Variants in NIPSNAP1 observed in about 807,000 individuals in gnomAD.
NIPSNAP1 encodes the protein nipsnap homolog 1.
In NIPSNAP1, 25 loss-of-function variants were observed where a neutral mutation model predicts 49.2. The ratio of observed to expected loss-of-function variants is 0.51; its 90% confidence interval spans 0.37 to 0.71. The LOEUF is 0.71. Among genes scored for constraint, NIPSNAP1 ranks in the 30% least tolerant of loss-of-function variants. NIPSNAP1 has a pLI of 0.00. For missense variants in NIPSNAP1, 294 were observed against 361.0 expected (o/e 0.81, Z 1.50); for synonymous variants, 143 against 140.7 (o/e 1.02, Z -0.12).
rs917812743 is a variant in NIPSNAP1 at position 29,558,928 on chromosome 22, C to T, written c.732G>A (p.Glu244=). 31 of 1,613,554 alleles carry T rather than the reference C, an allele frequency of 1.9e-5. No individual in the cohort carries two copies. The highest frequency in any genetic ancestry group is 2.6e-5 in the Non-Finnish European group (31 of 1,179,742). ...TCCTCCAGGCAGCGTTTCGAGTCTC[C>T]TCCCGAGACTGCAGGTCTTTATAGG... ...LWAYKDLQSR[E]ETRNAAWRKR... Residue 244 remains glutamate, a synonymous_variant, in exon 9 of 10, where the codon GAG becomes GAA. Transcript: ENST00000216121.
intron 1 of NIPSNAP1, among the ~76,000 whole-genome samples, chr22:29,574,779 CAAA>C (rs56971788): frequency 1.4e-4 from 14 of 102,710 alleles, no homozygotes; most frequent in East Asian, 2.5e-4. Context: ...AACTCTGTCT[CAAA>C]AAAAAAAAAA....
rs144303005 is a variant in NIPSNAP1 at position 29,563,068 on chromosome 22, C to T, written c.368-1206G>A. Among the ~76,000 whole-genome samples the T allele has an allele frequency of 3.3e-3, 505 of 151,396 alleles. 4 individuals carry two copies. Among genetic ancestry groups the T allele is most frequent in the African/African-American group, 0.011 (446 of 41,246 alleles). On this transcript the variant is annotated intron_variant, in intron 4 of 9. Transcript: ENST00000216121. ...GAGCCGAGATCATGCCACTGCACTC[C>T]AGCCTGGACAACAGAGCGAGACTCC...
chr22:29,567,731 C>T (rs1300204843), intron 4 of NIPSNAP1, among the ~76,000 whole-genome samples: 1 of 152,070 alleles, frequency 6.6e-6, no homozygotes, highest in African/African-American at 2.4e-5. Context: ...TGGCATGCAC[C>T]TGTGGTCCCA....
chr22:29,569,937 C>T (rs1306180266), intron 3 of NIPSNAP1: 7 of 538,416 alleles, frequency 1.3e-5, no homozygotes, highest in South Asian at 4.1e-5. Context: ...TGCAGTGAGC[C>T]GAGATCGCGC....
chr22:29,567,088 C>G (rs2064373055), intron 4 of NIPSNAP1, among the ~76,000 whole-genome samples: 1 of 152,092 alleles, frequency 6.6e-6, no homozygotes. Flanking sequence ...CACCACTGTA[C>G]CCCAGCCTGG....
At chr22:29,558,530 T>G (rs1010456025) in intron 9 of NIPSNAP1, among the ~76,000 whole-genome samples, 1 of 152,136 alleles carries the variant, frequency 6.6e-6, no homozygotes, top group Non-Finnish European at 1.5e-5. Context: ...TCTTCCGTTA[T>G]AGCCCTCTGA....
rs2064434492 is a variant in NIPSNAP1, at chr22:29,574,289, A to AAAAAGAAAGAAAAAG, written c.99-3758_99-3757insCTTTTTCTTTCTTTT. ...AAAAAAAAAAAAAAAAAAAAAAAAA[A>AAAAAGAAAGAAAAAG]AAAGAAAGAAAAAGAAAAGAAAATA... On this transcript the variant is annotated intron_variant, in intron 1 of 9. Transcript: ENST00000216121. 3.5e-4 allele frequency among the ~76,000 whole-genome samples: 44 copies of AAAAAGAAAGAAAAAG among 125,270 alleles called. 1 individual carries two copies. Among genetic ancestry groups the AAAAAGAAAGAAAAAG allele is most frequent in the African/African-American group, 1.4e-3 (43 of 30,516 alleles). The allele number at this position is 125,270 out of a possible 152,430, so 82.2% of individuals were successfully genotyped here. A position where few individuals can be genotyped will look rare whatever the true frequency, so the allele number is the denominator to read the frequency against.
At chr22:29,577,744 T>C (rs984608052) in intron 1 of NIPSNAP1, among the ~76,000 whole-genome samples, 3 of 148,588 alleles carry the variant, frequency 2.0e-5, no homozygotes, top group African/African-American at 7.6e-5. Context: ...TTTTGTTTTG[T>C]TTTTTTGATA....
intron 1 of NIPSNAP1, among the ~76,000 whole-genome samples, chr22:29,573,813 C>T (rs1385001553): frequency 1.3e-5 from 2 of 149,728 alleles, no homozygotes; most frequent in Non-Finnish European, 3.0e-5. Context: ...GTCAAGTGCG[C>T]CTGTAGTCCC....
intron 3 of NIPSNAP1, 35 bp from the exon 4 acceptor site, chr22:29,569,322 A>G (rs749763272): frequency 6.5e-7 from 1 of 1,528,652 alleles, no homozygotes; most frequent in Non-Finnish European, 9.1e-7. Flanking sequence ...CAGGGTTCAC[A>G]TAGCCACCAG....
At position 29,561,589 on chromosome 22, in the gene NIPSNAP1, G is replaced by T. The variant is rs759749208; in HGVS notation, c.496C>A (p.Leu166Met). 1 of 1,614,104 alleles carries T rather than the reference G, an allele frequency of 6.2e-7. No individual in the cohort carries two copies. ...TTCCAGAAGCTGAACTCGAGGAGCA[G>T]CTGGTTTCTCCTGGACAGCAGCATC... ...SQMLLSRRNQ[L>M]LLEFSFWNEP... Residue 166 changes from leucine (L) to methionine (M), a missense_variant, in exon 6 of 10, where the codon CTG becomes ATG. By Grantham distance (15) the Leu-to-Met change is conservative. This residue lies in a region of NIPSNAP1 where 146 missense variants were observed against 219.9 expected (regional missense o/e 0.66). Transcript: ENST00000216121.
At chr22:29,568,915 G>A (rs938934152) in intron 4 of NIPSNAP1, among the ~76,000 whole-genome samples, 3 of 152,232 alleles carry the variant, frequency 2.0e-5, no homozygotes, top group Non-Finnish European at 4.4e-5. Context: ...GTCAATCTGA[G>A]GAACTGAGTC....
intron 4 of NIPSNAP1, among the ~76,000 whole-genome samples, chr22:29,563,803 C>CAGAGATTAGAATGACAAGTCTACAAGCCA (rs1298004298): frequency 3.9e-5 from 6 of 152,024 alleles, no homozygotes; most frequent in African/African-American, 1.4e-4. Flanking sequence ...ACGAGGGAGG[C>CAGAGATTAGAATGACAAGTCTACAAGCCA]AGAGATTAGA....
At chr22:29,566,855 G>A (rs1247387174) in intron 4 of NIPSNAP1, among the ~76,000 whole-genome samples, 1 of 152,040 alleles carries the variant, frequency 6.6e-6, no homozygotes, top group Non-Finnish European at 1.5e-5. Flanking sequence ...CAGGCGCAGT[G>A]GCTGATGCCT....
chr22:29,564,222 C>T, intron 4 of NIPSNAP1: 1 of 423,926 alleles, frequency 2.4e-6, no homozygotes, highest in African/African-American at 2.1e-5. Flanking sequence ...ATCCCCATCC[C>T]CAGCCTGACC....
chr22:29,579,585 G>A lies in NIPSNAP1; in HGVS notation c.98+1400C>T, dbSNP rs563283018. Among the ~76,000 whole-genome samples the A allele has an allele frequency of 1.7e-3, 256 of 151,244 alleles. 1 individual carries two copies. Among genetic ancestry groups the A allele is most frequent in the Non-Finnish European group, 2.7e-3 (183 of 67,848 alleles). ...GCTGGGATTACAGGCGTGAGCCACCGCGCCCGGCCATTTTTGTACTTTTTA... is the reference window on the plus strand; with the variant it reads ...GCTGGGATTACAGGCGTGAGCCACCACGCCCGGCCATTTTTGTACTTTTTA... On this transcript the variant is annotated intron_variant, in intron 1 of 9. Coordinates refer to ENST00000216121, the MANE Select transcript of NIPSNAP1 (RefSeq NM_003634.4).
chr22:29,559,077 C>G lies in NIPSNAP1; in HGVS notation c.707-124G>C, dbSNP rs531006630. 14 of 739,738 alleles carry G rather than the reference C, an allele frequency of 1.9e-5. No individual in the cohort carries two copies. The East Asian group carries it at 3.5e-4, about 19-fold the overall frequency. 45.8% of individuals were successfully genotyped at this position (739,738 alleles called of 1,614,324 possible). The stretch of plus-strand genomic sequence containing the variant: ...TGTCTCCTCCTCCCTAGATGCCTCC[C>G]TCAGACTATTAGCAAACACTGTCTG... On this transcript the variant is annotated intron_variant, in intron 8 of 9. Transcript: ENST00000216121.
intron 8 of NIPSNAP1, 100 bp from the exon 9 acceptor site, chr22:29,559,053 G>A (rs1051125990): frequency 7.2e-6 from 6 of 832,344 alleles, no homozygotes; most frequent in Non-Finnish European, 1.2e-5. Flanking sequence ...CTGCACTGCT[G>A]TCTCCTCCTC....
intron 3 of NIPSNAP1, chr22:29,569,875 G>C (rs919000073): frequency 2.2e-6 from 1 of 452,342 alleles, no homozygotes; most frequent in African/African-American, 2.0e-5. Context: ...TGTAATCCGA[G>C]CTACTTGGGA....
Sources: allele counts gnomAD v4.1 joint callset (sites outside exome capture counted in the v4.1 genomes callset), GRCh38; gene constraint gnomAD v4.1.1; regional missense constraint gnomAD v4.1.1; transcripts MANE v1.5; gene names NCBI Gene and HGNC (gene_info 2026-07-23, HGNC 2026-07-21).